The following EFCC1 variants were observed in gnomAD, a reference collection of about 807,000 sequenced individuals.
EFCC1 encodes EF-hand and coiled-coil domain-containing protein 1.
In EFCC1, 50 loss-of-function variants were observed where a neutral mutation model predicts 52.1. The ratio of observed to expected loss-of-function variants is 0.96; its 90% CI spans 0.76 to 1.21. The LOEUF is 1.21. Among genes scored for constraint, EFCC1 ranks in the 50% most tolerant of loss-of-function variants. EFCC1 has a pLI of 0.00. For synonymous variants in EFCC1, 399 were observed against 396.5 expected (o/e 1.01, Z -0.08); for missense variants, 837 against 867.3 (o/e 0.97, Z 0.44).
chr3:129,034,090 C>A (rs1576783949), intron 4 of EFCC1, 74 bp from the exon 5 acceptor site: 6 of 1,584,704 alleles, frequency 3.8e-6, no homozygotes, highest in Non-Finnish European at 5.2e-6. Flanking sequence ...ACACCACCAC[C>A]ACCTCTCCAA....
intron 4 of EFCC1, among the ~76,000 whole-genome samples, chr3:129,033,373 C>T (rs557583540): frequency 7.7e-4 from 117 of 152,224 alleles, no homozygotes; most frequent in Non-Finnish European, 1.1e-3. Flanking sequence ...CCATGGGGAC[C>T]GAGGACAGGC....
chr3:129,029,171 G>A (rs6801858), intron 2 of EFCC1, among the ~76,000 whole-genome samples: 2,364 of 152,228 alleles, frequency 0.016, 76 homozygotes, highest in African/African-American at 0.054. Flanking sequence ...GGGTTCTATC[G>A]GGTTGTTACG....
intron 2 of EFCC1, among the ~76,000 whole-genome samples, chr3:129,009,953 G>T (rs1351522727): frequency 6.6e-6 from 1 of 152,218 alleles, no homozygotes; most frequent in Non-Finnish European, 1.5e-5. Context: ...TTATCCCCAG[G>T]TTCTGTCCGT....
At chr3:129,012,607 C>T (rs762934198) in intron 2 of EFCC1, among the ~76,000 whole-genome samples, 3 of 152,148 alleles carry the variant, frequency 2.0e-5, no homozygotes, top group Non-Finnish European at 4.4e-5. Flanking sequence ...ACCTCCAGGC[C>T]GAGACCAGGA....
intron 2 of EFCC1, among the ~76,000 whole-genome samples, chr3:129,021,581 C>A (rs1576755274): frequency 6.6e-6 from 1 of 151,382 alleles, no homozygotes; most frequent in African/African-American, 2.5e-5. Context: ...TCTCAAAAAA[C>A]AAACAAACAA....
intron 2 of EFCC1, among the ~76,000 whole-genome samples, chr3:129,011,653 C>A (rs1177559009): frequency 2.0e-5 from 3 of 152,032 alleles, no homozygotes; most frequent in Non-Finnish European, 2.9e-5. Context: ...CCTTGAAAAG[C>A]AAGGAGGCAG....
At position 129,036,914 on chromosome 3, in the gene EFCC1, T is replaced by C. The variant is rs1204205518; in HGVS notation, c.1453-63T>C. ...AGCCTCGGGGAGATGGAGTAGTTGA[T>C]CCTGCCACCTGGAAGGCTGGGAGAG... On this transcript the variant is annotated intron_variant, in intron 5 of 7. Coordinates refer to ENST00000683648, the MANE Select transcript of EFCC1 (RefSeq NM_001377500.1). 5.6e-6 allele frequency: 9 copies of C among 1,610,188 alleles called. No homozygotes were observed. The African/African-American group carries it at 9.4e-5, about 17-fold the overall frequency.
rs928955925 is a variant in EFCC1 at position 129,002,420 on chromosome 3, G to A, written c.696+96G>A. ...GGAGCCCGACAGGACAGAGTCAGAG[G>A]AAGGGGAGACAGAGGGCAGCCCCAC... On this transcript the variant is annotated intron_variant, in intron 1 of 7. Coordinates refer to ENST00000683648, the MANE Select transcript of EFCC1 (RefSeq NM_001377500.1). 21 of 1,424,824 alleles carry A rather than the reference G, an allele frequency of 1.5e-5. No homozygotes were observed. In the South Asian group the frequency reaches 2.9e-4, roughly 20 times the overall value. 88.3% of individuals were successfully genotyped at this position (1,424,824 alleles called of 1,614,324 possible). A position where few individuals can be genotyped will look rare whatever the true frequency, so the allele number is the denominator to read the frequency against.
At position 129,004,027 on chromosome 3, in the gene EFCC1, C is replaced by T. The variant is rs534655542; in HGVS notation, c.930C>T (p.Pro310=). 724 of 1,510,254 alleles carry T rather than the reference C, an allele frequency of 4.8e-4. No individual in the cohort carries two copies. Among genetic ancestry groups the T allele is most frequent in the African/African-American group, 1.6e-3 (109 of 69,822 alleles). The allele number at this position is 1,510,254 out of a possible 1,614,324, so 93.6% of individuals were successfully genotyped here. ...TGGAGGCGCTGGCGCAACAGGTGCC[C>T]GGCTTGCAGCGCTGGGTGCGGCGGC... is the stretch of plus-strand genomic sequence containing the variant. ...RELEALAQQV[P]GLQRWVRRLE... The change falls in exon 2 of 8, where the codon CCC becomes CCT. Residue 310 remains proline, a synonymous_variant. Transcript: ENST00000683648.
intron 2 of EFCC1, chr3:129,030,458 A>C: frequency 2.9e-6 from 1 of 342,390 alleles, no homozygotes; most frequent in Admixed American, 4.8e-5. Context: ...TTTTTTTATA[A>C]GGATGAAAAT....
Position 129,014,546 on chromosome 3 carries a change from C to G in EFCC1, c.980+10469C>G, listed in dbSNP as rs1246123899. On this transcript the variant is annotated intron_variant, in intron 2 of 7. Transcript: ENST00000683648. This position sits in a 1 kb window ranked among gnomAD's most constrained non-coding sequence, Gnocchi z 4.3. Reference sequence around the variant, plus strand: ...CTGGATTAGGGCCCACCCTAAAGACCTCATTTTAACTTGATTACCTCATTA... The same window carrying G: ...CTGGATTAGGGCCCACCCTAAAGACGTCATTTTAACTTGATTACCTCATTA... Among the ~76,000 whole-genome samples, 4 of 152,194 alleles carry G rather than the reference C, an allele frequency of 2.6e-5. No individual in the cohort carries two copies. The highest frequency in any genetic ancestry group is 5.9e-5 in the Non-Finnish European group (4 of 68,040).
chr3:129,010,464 C>G lies in EFCC1; in HGVS notation c.980+6387C>G, dbSNP rs888820178. On this transcript the variant is annotated intron_variant, in intron 2 of 7. Transcript: ENST00000683648. This position sits in a 1 kb window ranked among gnomAD's most constrained non-coding sequence, Gnocchi z 4.3. Reference sequence around the variant, plus strand: ...GAGGAGAGGCCTGGCGGCCTGGCCTCTGGCTTTGTTGTTGGGGGAGGGTGA... The same window carrying G: ...GAGGAGAGGCCTGGCGGCCTGGCCTGTGGCTTTGTTGTTGGGGGAGGGTGA... Among the ~76,000 whole-genome samples the G allele has an allele frequency of 1.5e-5, 2 of 137,652 alleles. No homozygotes were observed. The highest frequency in any genetic ancestry group is 5.4e-5 in the African/African-American group (2 of 36,750). 90.3% of individuals were successfully genotyped at this position (137,652 alleles called of 152,430 possible).
At chr3:129,031,102 C>T (rs1356054647) in intron 3 of EFCC1, among the ~76,000 whole-genome samples, 2 of 152,150 alleles carry the variant, frequency 1.3e-5, no homozygotes, top group Admixed American at 6.5e-5. Context: ...TGAGATGTTC[C>T]CAAACTTGCC....
intron 2 of EFCC1, among the ~76,000 whole-genome samples, chr3:129,013,804 G>A (rs1945443318): frequency 6.6e-6 from 1 of 152,228 alleles, no homozygotes; most frequent in African/African-American, 2.4e-5. Context: ...GGAGGAGTCT[G>A]TTCTCCAAAG....
Position 129,039,676 on chromosome 3 carries a change from CT to C in EFCC1, c.1664-35del, listed in dbSNP as rs1395969227. The C allele has an allele frequency of 3.2e-6, 5 of 1,557,396 alleles. No homozygotes were observed. The East Asian group carries it at 9.4e-5, about 29-fold the overall frequency. On this transcript the variant is annotated intron_variant, in intron 7 of 7. Coordinates refer to ENST00000683648, the MANE Select transcript of EFCC1 (RefSeq NM_001377500.1). ...GGCTCTGTGGGTGAAGGTGAGCAGACTGATCCTGCCCTCCCTGCCTGCTGTT... is the reference window on the plus strand; with the variant it reads ...GGCTCTGTGGGTGAAGGTGAGCAGACGATCCTGCCCTCCCTGCCTGCTGTT...
In EFCC1 at chr3:129,004,088, G is replaced by A. The variant is rs775222492; in HGVS notation, c.980+11G>A. 8.8e-6 allele frequency: 13 copies of A among 1,482,824 alleles called. 1 individual carries two copies. In the South Asian group the frequency reaches 1.5e-4, roughly 17 times the overall value. 91.9% of individuals were successfully genotyped at this position (1,482,824 alleles called of 1,614,324 possible). On this transcript the variant is annotated intron_variant, in intron 2 of 7. Coordinates refer to ENST00000683648, the MANE Select transcript of EFCC1 (RefSeq NM_001377500.1). ...GCTGCAACGCTACAGGTGAGCGGGGGCGCGTGCCCTGGGCCCAAGTTCCCC... is the reference window on the plus strand; with the variant it reads ...GCTGCAACGCTACAGGTGAGCGGGGACGCGTGCCCTGGGCCCAAGTTCCCC...
intron 2 of EFCC1, among the ~76,000 whole-genome samples, chr3:129,017,841 G>C (rs1945657571): frequency 6.6e-6 from 1 of 151,940 alleles, no homozygotes; most frequent in South Asian, 2.1e-4. Context: ...TGGAACTTGG[G>C]GGCCCATTCC....
At chr3:129,039,531 G>C (rs540260989) in intron 7 of EFCC1, among the ~76,000 whole-genome samples, 181 bp from the exon 8 acceptor site, 1 of 152,302 alleles carries the variant, frequency 6.6e-6, no homozygotes, top group East Asian at 1.9e-4. Flanking sequence ...GAAATTGTGT[G>C]CTCCAAGTCC....
chr3:129,030,789 G>C lies in EFCC1; in HGVS notation c.1067G>C (p.Arg356Thr). 3 of 1,551,702 alleles carry C rather than the reference G, an allele frequency of 1.9e-6. No individual in the cohort carries two copies. The highest frequency in any genetic ancestry group is 2.6e-6 in the Non-Finnish European group (3 of 1,146,970). Reference sequence around the variant, plus strand: ...AATGAACCTGAAGATGCTGGGACCAGAGACCCAGACCCCACTCCAGAGGGA... The same window carrying C: ...AATGAACCTGAAGATGCTGGGACCACAGACCCAGACCCCACTCCAGAGGGA... ...KSNEPEDAGT[R>T]DPDPTPEGAW... is the part of the protein sequence containing the mutation. Residue 356 changes from arginine to threonine, a missense_variant, in exon 3 of 8, where the codon AGA (arginine) becomes ACA (threonine). Coordinates refer to ENST00000683648, the MANE Select transcript of EFCC1 (RefSeq NM_001377500.1).
Sources: gnomAD v4.1 joint callset for allele counts (sites outside exome capture counted in the v4.1 genomes callset) on GRCh38, gnomAD v4.1.1 for gene constraint, Gnocchi (gnomAD v3.1) non-coding constraint, MANE v1.5 for transcripts, NCBI Gene and HGNC (gene_info 2026-07-23, HGNC 2026-07-21) for gene names.